Variants in ZNF593OS observed in about 807,000 individuals in gnomAD.
ZNF593OS encodes ZNF593 opposite strand.
At chr1:26,169,945 C>T, downstream of ZNF593OS, 1 of 1,512,136 alleles carries the variant, frequency 6.6e-7, no homozygotes, top group East Asian at 2.5e-5. Flanking sequence ...GCTCCCTGCC[C>T]TGCTCCTGGC....
chr1:26,170,540 G>A, exon 2 of ZNF593OS: 1 of 1,614,124 alleles, frequency 6.2e-7, no homozygotes, highest in Non-Finnish European at 8.5e-7. Context: ...GCTCTCACCT[G>A]GTCAGCTCCC....
downstream of ZNF593OS, chr1:26,170,172 T>C: frequency 3.2e-6 from 5 of 1,571,816 alleles, no homozygotes; most frequent in Non-Finnish European, 4.3e-6. Context: ...TGCACCGCTG[T>C]CTGGCCTGCG....
At position 26,171,760 on chromosome 1, in the gene ZNF593OS, G is replaced by A. The variant is rs41305771; in HGVS notation, c.-99C>T. The A allele has an allele frequency of 0.019, 7,665 of 398,194 alleles. 132 individuals are homozygous for A. The highest frequency in any genetic ancestry group is 0.024 in the Non-Finnish European group (5,512 of 225,910). The allele number at this position is 398,194 out of a possible 1,614,324, so 24.7% of individuals were successfully genotyped here. On this transcript the variant is annotated 5_prime_UTR_variant, in exon 1 of 2. Transcript: ENST00000648649. The surrounding 1 kb of genome is among the most constrained non-coding windows in gnomAD (Gnocchi z 5.5). ...CAAGAAGTGGAAACTAGGGTAGAGGGGTCTCTGACCTTCCACATACGCAAG... is the reference window on the plus strand; with the variant it reads ...CAAGAAGTGGAAACTAGGGTAGAGGAGTCTCTGACCTTCCACATACGCAAG...
At chr1:26,170,068 G>T, downstream of ZNF593OS, 1 of 1,574,436 alleles carries the variant, frequency 6.4e-7, no homozygotes. Context: ...GCCGGACTTG[G>T]ATGAGATTCA....
Position 26,171,701 on chromosome 1 carries a change from G to A in ZNF593OS, c.-40C>T, listed in dbSNP as rs561474190. On this transcript the variant is annotated 5_prime_UTR_variant, in exon 1 of 2. Transcript: ENST00000648649. This position sits in a 1 kb window ranked among gnomAD's most constrained non-coding sequence, Gnocchi z 5.5. ...GTCTCCCTGGCGGCCTGTAGGGTGGGAGCGGACGTGAAGACCAGTGGTCTT... is the reference window on the plus strand; with the variant it reads ...GTCTCCCTGGCGGCCTGTAGGGTGGAAGCGGACGTGAAGACCAGTGGTCTT... 1.0e-4 allele frequency: 41 copies of A among 398,598 alleles called. No individual in the cohort carries two copies. The highest frequency in any genetic ancestry group is 7.2e-4 in the African/African-American group (35 of 48,734). 24.7% of individuals were successfully genotyped at this position (398,598 alleles called of 1,614,324 possible).
downstream of ZNF593OS, chr1:26,170,460 A>T: frequency 6.2e-7 from 1 of 1,614,182 alleles, no homozygotes; most frequent in Non-Finnish European, 8.5e-7. Flanking sequence ...CCCACTTCCG[A>T]TCCAAAGACC....
exon 2 of ZNF593OS, chr1:26,170,519 C>T (rs771697848): frequency 7.4e-6 from 12 of 1,614,156 alleles, no homozygotes; most frequent in Non-Finnish European, 1.0e-5. Context: ...GATGGGTGCT[C>T]AGCAGATAGG....
At chr1:26,169,780 G>A (rs2124496944), downstream of ZNF593OS, 1 of 584,854 alleles carries the variant, frequency 1.7e-6, no homozygotes, top group Non-Finnish European at 2.9e-6. Flanking sequence ...ACTTCTGGGA[G>A]CCCGTCCTGA....
chr1:26,171,565 A>T lies in ZNF593OS; in HGVS notation c.45+52T>A. 1 of 398,476 alleles carries T rather than the reference A, an allele frequency of 2.5e-6. No homozygotes were observed. Among genetic ancestry groups the T allele is most frequent in the African/African-American group, 2.1e-5 (1 of 48,686 alleles). The allele number at this position is 398,476 out of a possible 1,614,324, so 24.7% of individuals were successfully genotyped here. On this transcript the variant is annotated intron_variant, in intron 1 of 1. Transcript: ENST00000648649. This position sits in a 1 kb window ranked among gnomAD's most constrained non-coding sequence, Gnocchi z 5.5. ...TTGGGGGTGTCAACCCAGCTATGGT[A>T]GGGGGAGGAAGGGGTCAGTCGTGCC...
chr1:26,171,332 G>A lies in ZNF593OS; in HGVS notation c.49C>T (p.Gln17Ter). ...TCTGCCTTCAGCTCACCAGCTACCT[G>A]CATCTGGAGGTGCACAGAGGGTGTG... Residue 17 changes from glutamine to a stop codon, truncating the protein, a stop_gained, in exon 2 of 2, where the codon CAG becomes TAG. Coordinates refer to ENST00000648649, the Ensembl canonical transcript of ZNF593OS. LOFTEE classifies it high-confidence loss of function. The surrounding 1 kb of genome is among the most constrained non-coding windows in gnomAD (Gnocchi z 5.5). 2.5e-6 allele frequency: 1 copy of A among 400,970 alleles called. No individual in the cohort carries two copies. Among genetic ancestry groups the A allele is most frequent in the Non-Finnish European group, 4.4e-6 (1 of 227,700 alleles). The allele number at this position is 400,970 out of a possible 1,614,324, so 24.8% of individuals were successfully genotyped here.
chr1:26,170,059 C>T, downstream of ZNF593OS: 1 of 1,573,144 alleles, frequency 6.4e-7, no homozygotes, highest in Admixed American at 1.9e-5. Flanking sequence ...GCGGCGGCGG[C>T]CGGACTTGGA....
downstream of ZNF593OS, chr1:26,169,867 G>C (rs2088465740): frequency 1.7e-6 from 2 of 1,166,144 alleles, no homozygotes; most frequent in Non-Finnish European, 2.3e-6. Flanking sequence ...GAGGCGGTCC[G>C]GCCGAGCCTG....
Position 26,171,233 on chromosome 1 carries a change from C to G in ZNF593OS, c.148G>C (p.Val50Leu), listed in dbSNP as rs192519304. The change falls in exon 2 of 2, where the codon GTC (valine) becomes CTC (leucine). Residue 50 changes from valine (V) to leucine (L), a missense_variant. Transcript: ENST00000648649. The surrounding 1 kb of genome is among the most constrained non-coding windows in gnomAD (Gnocchi z 5.5). The stretch of plus-strand genomic sequence containing the variant: ...CGCCGCTGCCCCACCATCTTCCAGA[C>G]GGCATAGCAGGAGCCACCCAGGCCG... 2.5e-6 allele frequency: 1 copy of G among 407,868 alleles called. No individual in the cohort carries two copies. The highest frequency in any genetic ancestry group is 4.3e-6 in the Non-Finnish European group (1 of 231,002). The allele number at this position is 407,868 out of a possible 1,614,324, so 25.3% of individuals were successfully genotyped here. A position where few individuals can be genotyped will look rare whatever the true frequency, so the allele number is the denominator to read the frequency against.
exon 2 of ZNF593OS, chr1:26,170,662 G>A: frequency 6.2e-7 from 1 of 1,611,800 alleles, no homozygotes; most frequent in Non-Finnish European, 8.5e-7. Context: ...CCAGGCGGCT[G>A]GCAGTGCCCA....
exon 2 of ZNF593OS, chr1:26,170,944 C>G: frequency 1.6e-6 from 1 of 615,492 alleles, no homozygotes; most frequent in Non-Finnish European, 2.8e-6. Context: ...CTACTACTTT[C>G]TGTACACCAG....
chr1:26,170,961 G>A, exon 2 of ZNF593OS: 2 of 593,626 alleles, frequency 3.4e-6, no homozygotes, highest in Admixed American at 3.0e-5. Flanking sequence ...CCAGGCCTAG[G>A]GTGTCTACTC....
At chr1:26,170,901 G>T (rs1323428067) in exon 2 of ZNF593OS, 2 of 751,494 alleles carry the variant, frequency 2.7e-6, no homozygotes, top group Non-Finnish European at 4.2e-6. Flanking sequence ...CTTCCAGGCC[G>T]CTGTCTCAAA....
Position 26,171,272 on chromosome 1 carries a change from C to CT in ZNF593OS, c.108dup (p.Val37SerfsTer42), listed in dbSNP as rs1382610244. ...CCACCCAGGCCGAGGACAGCTAGCACTGTAGCCACAACTCCTGCCAGCAGA... is the reference window on the plus strand; with the variant it reads ...CCACCCAGGCCGAGGACAGCTAGCACTTGTAGCCACAACTCCTGCCAGCAGA... On this transcript the variant is annotated frameshift_variant, in exon 2 of 2. Transcript: ENST00000648649. LOFTEE classifies it high-confidence loss of function. The surrounding 1 kb of genome is among the most constrained non-coding windows in gnomAD (Gnocchi z 5.5). 2.5e-6 allele frequency: 1 copy of CT among 403,888 alleles called. No homozygotes were observed. Among genetic ancestry groups the CT allele is most frequent in the African/African-American group, 2.1e-5 (1 of 48,676 alleles). The allele number at this position is 403,888 out of a possible 1,614,324, so 25.0% of individuals were successfully genotyped here. A position where few individuals can be genotyped will look rare whatever the true frequency, so the allele number is the denominator to read the frequency against.
chr1:26,169,718 A>G, downstream of ZNF593OS: 3 of 491,180 alleles, frequency 6.1e-6, no homozygotes, highest in Non-Finnish European at 1.1e-5. Flanking sequence ...CGCACGCACC[A>G]CCCCGCGCCT....
Sources: allele counts gnomAD v4.1 joint callset, GRCh38; gene constraint gnomAD v4.1.1; non-coding constraint Gnocchi (gnomAD v3.1); transcripts MANE v1.5; gene names NCBI Gene and HGNC (gene_info 2026-07-23, HGNC 2026-07-21).